The following ADAM12 variants were observed in gnomAD, a reference collection of about 807,000 sequenced individuals.
ADAM12 encodes ADAM metallopeptidase domain 12, also known as disintegrin and metalloproteinase domain-containing protein 12.
Under a neutral mutation model 106.4 loss-of-function variants are expected in ADAM12, and 70 were observed. The observed-to-expected ratio is 0.66, with a 90% CI of 0.54 to 0.80. The LOEUF is 0.80. ADAM12 is among the 30% of genes least tolerant of loss of function. The probability of loss-of-function intolerance (pLI) is 0.00; values close to 1 mark genes in which losing one functional copy is unlikely to be tolerated. For missense variants in ADAM12, 1,010 were observed against 1,171.9 expected (o/e 0.86, Z 2.02); for synonymous variants, 420 against 433.5 (o/e 0.97, Z 0.39).
chr10:126,077,258 C>T (rs1955120331), intron 11 of ADAM12, among the ~76,000 whole-genome samples: 1 of 151,808 alleles, frequency 6.6e-6, no homozygotes, highest in Admixed American at 6.6e-5. Flanking sequence ...CAGAGATGAC[C>T]CAAATAAACA....
chr10:126,365,649 A>G (rs1037073452), intron 1 of ADAM12, among the ~76,000 whole-genome samples: 1 of 152,154 alleles, frequency 6.6e-6, no homozygotes, highest in Non-Finnish European at 1.5e-5. Flanking sequence ...AAAGCCCCTT[A>G]TAAAACCATC....
At chr10:126,169,525 T>C (rs1482784068) in intron 3 of ADAM12, among the ~76,000 whole-genome samples, 1 of 152,168 alleles carries the variant, frequency 6.6e-6, no homozygotes, top group Non-Finnish European at 1.5e-5. Context: ...AAAGCACTCA[T>C]ACATAATAGA....
At chr10:126,339,322 G>T (rs1051745345) in intron 1 of ADAM12, among the ~76,000 whole-genome samples, 3 of 152,146 alleles carry the variant, frequency 2.0e-5, no homozygotes, top group African/African-American at 7.2e-5. Context: ...AAAATCAAAG[G>T]TTTTTAATCT....
At chr10:126,155,784 C>G (rs1674916) in intron 3 of ADAM12, among the ~76,000 whole-genome samples, 66,270 of 151,744 alleles carry the variant, frequency 0.44, 15,003 homozygotes, top group East Asian at 0.77. Context: ...CTGGCTCCCC[C>G]GCAGGTGAGA....
At chr10:126,269,816 CAA>C (rs1959167156) in intron 3 of ADAM12, among the ~76,000 whole-genome samples, 1 of 152,190 alleles carries the variant, frequency 6.6e-6, no homozygotes, top group Non-Finnish European at 1.5e-5. Flanking sequence ...CTTCCAGCTT[CAA>C]AGAGTTCACT....
chr10:126,188,749 C>T (rs1957444548), intron 3 of ADAM12, among the ~76,000 whole-genome samples: 1 of 152,012 alleles, frequency 6.6e-6, no homozygotes, highest in Non-Finnish European at 1.5e-5. Context: ...TACAATTAAT[C>T]ATTCATTATT....
At chr10:126,333,336 G>A (rs2133856077) in intron 1 of ADAM12, among the ~76,000 whole-genome samples, 1 of 152,348 alleles carries the variant, frequency 6.6e-6, no homozygotes, top group Non-Finnish European at 1.5e-5. Context: ...CCAGTAATGG[G>A]GAGGATGGGA....
intron 2 of ADAM12, among the ~76,000 whole-genome samples, chr10:126,328,247 A>C (rs1854376911): frequency 6.6e-6 from 1 of 152,242 alleles, no homozygotes; most frequent in South Asian, 2.1e-4. Flanking sequence ...GGCACATAAT[A>C]GGTGCTTAGT....
chr10:126,069,086 A>G (rs1016945413), intron 12 of ADAM12, among the ~76,000 whole-genome samples: 13 of 152,202 alleles, frequency 8.5e-5, no homozygotes, highest in African/African-American at 3.1e-4. Context: ...ATGTAAGGGC[A>G]TGCAGAATAA....
At chr10:126,059,764 G>C (rs1954712753) in intron 14 of ADAM12, among the ~76,000 whole-genome samples, 1 of 152,220 alleles carries the variant, frequency 6.6e-6, no homozygotes, top group Non-Finnish European at 1.5e-5. Context: ...AGTTGTTCGT[G>C]ACTATAGATG....
At chr10:126,166,790 G>C (rs1957033157) in intron 3 of ADAM12, among the ~76,000 whole-genome samples, 1 of 152,090 alleles carries the variant, frequency 6.6e-6, no homozygotes, top group Admixed American at 6.6e-5. Flanking sequence ...GCCTCAGGCT[G>C]TTTTTAATGT....
rs1564737312 is a variant in ADAM12, at chr10:126,330,496, C to T, written c.102G>A (p.Trp34Ter). 1.2e-6 allele frequency: 2 copies of T among 1,613,660 alleles called. No individual in the cohort carries two copies. The highest frequency in any genetic ancestry group is 2.7e-5 in the African/African-American group (2 of 74,918). Residue 34 changes from tryptophan (W) to a stop codon, truncating the protein, a stop_gained, in exon 2 of 23, where the codon TGG becomes TGA. Transcript: ENST00000448723. LOFTEE classifies it high-confidence loss of function. ...APCEARGVSL[W>*]NQGRADEVVS... ...CAACTTCATCAGCTCTTCCTTGGTT[C>T]CATAAGCTCACCCCTGAATCAAAAG...
rs1954553450 is a variant in ADAM12, at chr10:126,053,379, T to C, written c.1610-3710A>G. Among the ~76,000 whole-genome samples, 1 of 152,136 alleles carries C rather than the reference T, an allele frequency of 6.6e-6. No homozygotes were observed. Among genetic ancestry groups the C allele is most frequent in the Admixed American group, 6.5e-5 (1 of 15,278 alleles). On this transcript the variant is annotated intron_variant, in intron 14 of 22. Coordinates refer to ENST00000448723, the MANE Select transcript of ADAM12 (RefSeq NM_001288973.2). The surrounding 1 kb of genome is among the most constrained non-coding windows in gnomAD (Gnocchi z 4.6). ...CCAAATGCTGGTGGAGCAGCACAGC[T>C]CAGAAAACCAGGTGTGTGTAAGATG...
chr10:126,256,914 AATAATAATG>A (rs1450933393), intron 3 of ADAM12, among the ~76,000 whole-genome samples: 5 of 123,236 alleles, frequency 4.1e-5, no homozygotes, highest in Admixed American at 1.7e-4. Context: ...TGGGAATAAT[AATAATAATG>A]ATGATGATGA....
intron 11 of ADAM12, chr10:126,090,916 A>G (rs1366120087): frequency 6.6e-6 from 1 of 152,244 alleles, no homozygotes; most frequent in Non-Finnish European, 1.5e-5. Context: ...CTGAGATGTT[A>G]ATATCATTAA....
At chr10:126,084,287 GCAC>G (rs1300654761) in intron 11 of ADAM12, among the ~76,000 whole-genome samples, 8 of 152,280 alleles carry the variant, frequency 5.3e-5, no homozygotes, top group Non-Finnish European at 1.0e-4. Context: ...ATTTCTTCCT[GCAC>G]CAAGTCCTGA....
At chr10:126,055,340 C>T (rs1041964282) in intron 14 of ADAM12, among the ~76,000 whole-genome samples, 1 of 152,188 alleles carries the variant, frequency 6.6e-6, no homozygotes, top group Non-Finnish European at 1.5e-5. Flanking sequence ...CTTTATGCCA[C>T]TCAACCCTAG....
intron 14 of ADAM12, among the ~76,000 whole-genome samples, chr10:126,060,204 G>A (rs1307581383): frequency 2.0e-5 from 3 of 152,232 alleles, no homozygotes; most frequent in Admixed American, 2.0e-4. Flanking sequence ...TTGCAGGCAT[G>A]TGTTTTGAAT....
chr10:126,302,100 T>C (rs932446766), intron 2 of ADAM12, among the ~76,000 whole-genome samples: 1 of 152,180 alleles, frequency 6.6e-6, no homozygotes, highest in Non-Finnish European at 1.5e-5. Flanking sequence ...ATTCTCAGGG[T>C]CATCCAATTC....
Sources: gnomAD v4.1 joint callset for allele counts (sites outside exome capture counted in the v4.1 genomes callset) on GRCh38, gnomAD v4.1.1 for gene constraint, Gnocchi (gnomAD v3.1) non-coding constraint, MANE v1.5 for transcripts, NCBI Gene and HGNC (gene_info 2026-07-23, HGNC 2026-07-21) for gene names.